Variants in UNC80 observed in about 807,000 individuals in gnomAD.
UNC80 encodes the protein unc-80 subunit of NALCN channel complex, also known as protein unc-80 homolog.
A neutral mutation model predicts 384.6 loss-of-function variants in UNC80; 164 were observed. That is an observed-to-expected ratio of 0.43 (90% CI 0.38 to 0.49). The LOEUF is 0.49. Ranked by LOEUF, UNC80 falls within the 20% of genes least tolerant of loss-of-function variation. UNC80 has a pLI of 0.00. For missense variants in UNC80, 3,330 were observed against 4,143.0 expected, an observed-to-expected ratio of 0.80 and a Z score of 5.39; for synonymous variants, 1,486 against 1,527.8, an observed-to-expected ratio of 0.97 and a Z score of 0.64.
In UNC80 at chr2:209,980,413, C is replaced by T. The variant is rs537215159; in HGVS notation, c.9118+1705C>T. On this transcript the variant is annotated intron_variant, in intron 59 of 64. Coordinates refer to ENST00000673920, the MANE Select transcript of UNC80 (RefSeq NM_001371986.1). ...AAACAGGGATATCACTGGCCAAAAG[C>T]CAACACTAACATACTGATGAGGCAG... Among the ~76,000 whole-genome samples, 3 of 152,228 alleles carry T rather than the reference C, an allele frequency of 2.0e-5. No individual in the cohort carries two copies. The East Asian group carries it at 5.8e-4, about 29-fold the overall frequency.
chr2:209,830,768 C>T (rs954226350), intron 15 of UNC80, among the ~76,000 whole-genome samples: 12 of 152,116 alleles, frequency 7.9e-5, no homozygotes, highest in South Asian at 2.1e-4. Flanking sequence ...CCACGGAGGT[C>T]GAAGGCTTCC....
At chr2:209,956,387 G>T (rs1260529961) in intron 48 of UNC80, among the ~76,000 whole-genome samples, 1 of 4,326 alleles carries the variant, frequency 2.3e-4, no homozygotes, top group East Asian at 6.8e-3. Flanking sequence ...GGGGAAGAAT[G>T]AACTTCCAAG....
At chr2:209,881,348 A>G (rs981955136) in intron 25 of UNC80, among the ~76,000 whole-genome samples, 1 of 152,214 alleles carries the variant, frequency 6.6e-6, no homozygotes, top group African/African-American at 2.4e-5. Flanking sequence ...ATCACTATCA[A>G]TTATGCTGGG....
At chr2:209,970,682 T>C in intron 53 of UNC80, 150 bp from the exon 54 acceptor site, 1 of 1,063,852 alleles carries the variant, frequency 9.4e-7, no homozygotes, top group Non-Finnish European at 1.3e-6. Flanking sequence ...ATTACATGCC[T>C]TCAGAAGGCA....
At position 209,880,958 on chromosome 2, in the gene UNC80, T is replaced by C. The variant is rs1029298299; in HGVS notation, c.3977-3T>C. The C allele has an allele frequency of 6.4e-7, 1 of 1,551,740 alleles. No individual in the cohort carries two copies. The highest frequency in any genetic ancestry group is 2.0e-5 in the Admixed American group (1 of 50,946). The stretch of plus-strand genomic sequence containing the variant: ...CTTATGAAAGAACACTTTCATTTCC[T>C]AGGTACTGTGAACCCCTCTAAATGC... On this transcript the variant is annotated splice_polypyrimidine_tract_variant and splice_region_variant and intron_variant, in intron 24 of 64. Transcript: ENST00000673920.
intron 51 of UNC80, among the ~76,000 whole-genome samples, chr2:209,962,760 G>A (rs2092632737): frequency 6.6e-6 from 1 of 152,182 alleles, no homozygotes. Flanking sequence ...TTGCTGATTA[G>A]GGGCAGATCC....
chr2:209,805,487 A>C (rs2078835481), intron 7 of UNC80, among the ~76,000 whole-genome samples: 1 of 152,212 alleles, frequency 6.6e-6, no homozygotes, highest in South Asian at 2.1e-4. Context: ...ATTGTGGCAC[A>C]GAGTCTCTCA....
In UNC80 at chr2:209,995,690, A is replaced by G; in HGVS notation, c.*95A>G. 1 of 1,402,324 alleles carries G rather than the reference A, an allele frequency of 7.1e-7. No individual in the cohort carries two copies. The highest frequency in any genetic ancestry group is 9.6e-7 in the Non-Finnish European group (1 of 1,044,176). The allele number at this position is 1,402,324 out of a possible 1,614,324, so 86.9% of individuals were successfully genotyped here. ...CTTTTGCTTGAAAAAGATTAATTAC[A>G]AAATAGCACTTTACTTCTAATGGGT... On this transcript the variant is annotated 3_prime_UTR_variant, in exon 65 of 65. Coordinates refer to ENST00000673920, the MANE Select transcript of UNC80 (RefSeq NM_001371986.1).
At chr2:209,806,537 C>T (rs1405962956) in intron 7 of UNC80, among the ~76,000 whole-genome samples, 1 of 152,210 alleles carries the variant, frequency 6.6e-6, no homozygotes, top group Non-Finnish European at 1.5e-5. Context: ...CTCTGCCCAG[C>T]TGCAGTGGTT....
At chr2:209,906,880 C>A (rs1355694494) in intron 29 of UNC80, among the ~76,000 whole-genome samples, 1 of 152,034 alleles carries the variant, frequency 6.6e-6, no homozygotes, top group Non-Finnish European at 1.5e-5. Context: ...TAGGTTAAAA[C>A]CATATATGTT....
Position 209,806,663 on chromosome 2 carries a change from A to T in UNC80, c.939-6917A>T, listed in dbSNP as rs77210379. On this transcript the variant is annotated intron_variant, in intron 7 of 64. Transcript: ENST00000673920. ...AGAAGAGAACTTTAATAACAAAACA[A>T]TGCCAATATCCTAGTAACAAAAGCT... Among the ~76,000 whole-genome samples, 857 of 152,360 alleles carry T rather than the reference A, an allele frequency of 5.6e-3. 8 individuals are homozygous for T. Among genetic ancestry groups the T allele is most frequent in the African/African-American group, 0.02 (833 of 41,584 alleles).
chr2:209,930,038 A>G (rs915587149), intron 37 of UNC80, 67 bp downstream of exon 37: 12 of 1,152,326 alleles, frequency 1.0e-5, no homozygotes, highest in Non-Finnish European at 1.2e-6. Context: ...AAATCATGCA[A>G]AGAACTTTAT....
intron 26 of UNC80, among the ~76,000 whole-genome samples, chr2:209,889,079 C>T (rs1008086631): frequency 6.6e-6 from 1 of 152,166 alleles, no homozygotes; most frequent in African/African-American, 2.4e-5. Flanking sequence ...AGTCTTTCTG[C>T]ATTGCTAAAT....
At chr2:209,796,972 C>T (rs1043931783) in intron 7 of UNC80, among the ~76,000 whole-genome samples, 3 of 152,156 alleles carry the variant, frequency 2.0e-5, no homozygotes, top group Admixed American at 6.5e-5. Flanking sequence ...TCCCTTGTGT[C>T]ACTCCCATTC....
chr2:209,857,415 TGCTG>T (rs2083014081), intron 22 of UNC80, among the ~76,000 whole-genome samples: 1 of 152,228 alleles, frequency 6.6e-6, no homozygotes, highest in Non-Finnish European at 1.5e-5. Flanking sequence ...GGCATAAAAT[TGCTG>T]AGAATACATT....
intron 22 of UNC80, among the ~76,000 whole-genome samples, chr2:209,850,638 C>T (rs1219695840): frequency 6.6e-6 from 1 of 152,148 alleles, no homozygotes; most frequent in Non-Finnish European, 1.5e-5. Flanking sequence ...CTTATAATCA[C>T]CCAAAATGAT....
intron 7 of UNC80, among the ~76,000 whole-genome samples, chr2:209,811,139 A>G (rs6724021): frequency 0.031 from 4,705 of 152,272 alleles, 245 homozygotes; most frequent in African/African-American, 0.1. Context: ...AGGATACACA[A>G]GTGGCACTCA....
Position 209,771,950 on chromosome 2 carries a change from G to A in UNC80, c.-123G>A, listed in dbSNP as rs2153824297. ...GAGAGGCACGGGGGATCAGGGCGGA[G>A]AGAGCCGGCTCTGCCTCGGGGAAGG... is the stretch of plus-strand genomic sequence containing the variant. On this transcript the variant is annotated 5_prime_UTR_variant, in exon 1 of 65. Coordinates refer to ENST00000673920, the MANE Select transcript of UNC80 (RefSeq NM_001371986.1). The A allele has an allele frequency of 1.4e-6, 1 of 717,524 alleles. No individual in the cohort carries two copies. The highest frequency in any genetic ancestry group is 3.7e-4 in the Middle Eastern group (1 of 2,684). 44.4% of individuals were successfully genotyped at this position (717,524 alleles called of 1,614,324 possible).
intron 28 of UNC80, among the ~76,000 whole-genome samples, chr2:209,899,290 C>T (rs1373982952): frequency 6.6e-6 from 1 of 152,014 alleles, no homozygotes; most frequent in Admixed American, 6.6e-5. Context: ...AAGCGTGGAC[C>T]CTAATGTAAA....
Sources: allele counts gnomAD v4.1 joint callset (sites outside exome capture counted in the v4.1 genomes callset), GRCh38; gene constraint gnomAD v4.1.1; transcripts MANE v1.5; gene names NCBI Gene and HGNC (gene_info 2026-07-23, HGNC 2026-07-21).